The following LEMD3 variants were observed in gnomAD, a reference collection of about 807,000 sequenced individuals.
LEMD3 encodes the protein LEM domain containing 3, also known as inner nuclear membrane protein Man1.
A neutral mutation model predicts 95.2 loss-of-function variants in LEMD3; 33 were observed. The observed-to-expected ratio is 0.35, with a 90% CI of 0.26 to 0.46. The LOEUF (loss-of-function observed/expected upper bound fraction) is 0.46, where lower values mean the gene tolerates loss of function less well. LEMD3 is among the 20% of genes least tolerant of loss of function. The pLI, the probability that LEMD3 is intolerant of heterozygous loss-of-function variation, is 1.00. For missense variants in LEMD3, 1,210 were observed against 1,192.8 expected, an observed-to-expected ratio of 1.01 and a Z score of -0.21; for synonymous variants, 525 against 474.6, an observed-to-expected ratio of 1.11 and a Z score of -1.38.
intron 4 of LEMD3, among the ~76,000 whole-genome samples, chr12:65,221,029 G>A (rs1450271814): frequency 6.6e-6 from 1 of 152,094 alleles, no homozygotes; most frequent in Non-Finnish European, 1.5e-5. Flanking sequence ...TGGATATTAG[G>A]ATTATGTCTT....
Position 65,240,118 on chromosome 12 carries a change from A to C in LEMD3, c.2024-18A>C. ...ATGTCAAGTGATTGATTCATTTGTA[A>C]ATTTTATTTATTTTTAGATGTTTTA... On this transcript the variant is annotated intron_variant, in intron 7 of 12. Coordinates refer to ENST00000308330, the MANE Select transcript of LEMD3 (RefSeq NM_014319.5). 6.3e-7 allele frequency: 1 copy of C among 1,597,684 alleles called. No individual in the cohort carries two copies. The highest frequency in any genetic ancestry group is 8.6e-7 in the Non-Finnish European group (1 of 1,165,320).
At chr12:65,234,965 T>A (rs1021347645) in intron 4 of LEMD3, among the ~76,000 whole-genome samples, 3 of 152,198 alleles carry the variant, frequency 2.0e-5, no homozygotes, top group Admixed American at 1.3e-4. Context: ...AAAGACTAGA[T>A]TATACTTGTC....
rs780417676 is a variant in LEMD3 at position 65,170,443 on chromosome 12, C to T, written c.847C>T (p.Arg283Trp). 6.2e-7 allele frequency: 1 copy of T among 1,613,746 alleles called. No individual in the cohort carries two copies. Among genetic ancestry groups the T allele is most frequent in the Non-Finnish European group, 8.5e-7 (1 of 1,179,966 alleles). ...GGTATTAAAGGACGACTCCCTTTCC[C>T]GGCATCGGCCCAGACGAACCCATAG... ...RQVLKDDSLSRHRPRRTHSKP... is the reference protein window; with the variant it reads ...RQVLKDDSLSWHRPRRTHSKP... Residue 283 changes from arginine to tryptophan, a missense_variant, in exon 1 of 13, where the codon CGG (arginine) becomes TGG (tryptophan). Arg to Trp is a moderately radical substitution (Grantham distance 101). Around this residue, in one of 2 missense-constraint regions of LEMD3, gnomAD observed 749 missense variants for 622.9 expected, o/e 1.20. Coordinates refer to ENST00000308330, the MANE Select transcript of LEMD3 (RefSeq NM_014319.5).
intron 1 of LEMD3, among the ~76,000 whole-genome samples, chr12:65,175,075 G>T (rs1868672923): frequency 6.6e-6 from 1 of 152,142 alleles, no homozygotes; most frequent in African/African-American, 2.4e-5. Flanking sequence ...AGAATGGCCA[G>T]TGTTGCTGGG....
At chr12:65,191,706 G>A (rs1869244401) in intron 1 of LEMD3, among the ~76,000 whole-genome samples, 1 of 152,150 alleles carries the variant, frequency 6.6e-6, no homozygotes, top group Non-Finnish European at 1.5e-5. Context: ...GCCAAGGCAG[G>A]CAGATGTTTG....
chr12:65,217,769 A>G (rs1317729656), intron 3 of LEMD3, among the ~76,000 whole-genome samples: 1 of 152,244 alleles, frequency 6.6e-6, no homozygotes, highest in African/African-American at 2.4e-5. Context: ...ACCAGATCAT[A>G]GGTGGAAACT....
rs1869919721 is a variant in LEMD3, at chr12:65,210,962, A to G, written c.1559A>G (p.Gln520Arg). 3 of 1,586,290 alleles carry G rather than the reference A, an allele frequency of 1.9e-6. No individual in the cohort carries two copies. Among genetic ancestry groups the G allele is most frequent in the Non-Finnish European group, 2.6e-6 (3 of 1,154,928 alleles). ...NPFGETFGKIQESEKTLMMNT... is the reference protein window; with the variant it reads ...NPFGETFGKIRESEKTLMMNT... Reference sequence around the variant, plus strand: ...TTTGGTGAAACATTTGGAAAAATACAAGTAAGTAAACGATCATAATACTGA... The same window carrying G: ...TTTGGTGAAACATTTGGAAAAATACGAGTAAGTAAACGATCATAATACTGA... The change falls in exon 2 of 13, where the codon CAA becomes CGA. Residue 520 changes from glutamine (Q) to arginine (R), a missense_variant and splice_region_variant. Gln to Arg is a conservative substitution (Grantham distance 43). Coordinates refer to ENST00000308330, the MANE Select transcript of LEMD3 (RefSeq NM_014319.5).
intron 1 of LEMD3, among the ~76,000 whole-genome samples, chr12:65,199,143 C>CT (rs1194546807): frequency 2.0e-5 from 3 of 152,020 alleles, no homozygotes; most frequent in Admixed American, 6.6e-5. Context: ...TTAGATTAAA[C>CT]TTTTTTTGAA....
chr12:65,204,030 G>T (rs199582249), intron 1 of LEMD3, among the ~76,000 whole-genome samples: 1 of 152,072 alleles, frequency 6.6e-6, no homozygotes, highest in East Asian at 1.9e-4. Context: ...CTTTACATTT[G>T]AGGTGGATTT....
Position 65,180,057 on chromosome 12 carries a change from G to T in LEMD3, c.1522+8939G>T, listed in dbSNP as rs544092557. 7.1e-4 allele frequency among the ~76,000 whole-genome samples: 108 copies of T among 151,978 alleles called. 1 individual carries two copies. The highest frequency in any genetic ancestry group is 2.5e-3 in the African/African-American group (104 of 41,444). On this transcript the variant is annotated intron_variant, in intron 1 of 12. Transcript: ENST00000308330. ...TCTCCTAGGTTCAAGTGATTTTCCT[G>T]CCTCCACCTCCCAAGTATCTGGGAT...
chr12:65,180,385 TAAC>T (rs1868865439), intron 1 of LEMD3, among the ~76,000 whole-genome samples: 1 of 149,518 alleles, frequency 6.7e-6, no homozygotes, highest in African/African-American at 2.4e-5. Context: ...TATTCTTTAT[TAAC>T]AATATTGCCA....
At chr12:65,244,027 A>G (rs1292790840) in intron 10 of LEMD3, among the ~76,000 whole-genome samples, 1 of 152,190 alleles carries the variant, frequency 6.6e-6, no homozygotes, top group Non-Finnish European at 1.5e-5. Context: ...AATTCACAGT[A>G]TTTCATATAT....
chr12:65,227,386 AGT>A (rs1187991056), intron 4 of LEMD3, among the ~76,000 whole-genome samples: 1 of 152,138 alleles, frequency 6.6e-6, no homozygotes, highest in Non-Finnish European at 1.5e-5. Context: ...TCCTGGAGCA[AGT>A]TTCATTGCTT....
chr12:65,216,348 G>A (rs1592450265), intron 3 of LEMD3, among the ~76,000 whole-genome samples: 2 of 152,020 alleles, frequency 1.3e-5, no homozygotes, highest in South Asian at 4.1e-4. Context: ...GAGGAATTAG[G>A]TAAGCAGTGA....
rs532456888 is a variant in LEMD3 at position 65,230,702 on chromosome 12, A to G, written c.1696-7800A>G. On this transcript the variant is annotated intron_variant, in intron 4 of 12. Coordinates refer to ENST00000308330, the MANE Select transcript of LEMD3 (RefSeq NM_014319.5). ...CACATTAACATCATGTCATCTGCAC[A>G]TAGGAACAATTTTTCTCCTTTCCAA... is the stretch of plus-strand genomic sequence containing the variant. Among the ~76,000 whole-genome samples the G allele has an allele frequency of 2.6e-5, 4 of 152,328 alleles. No homozygotes were observed. In the South Asian group the frequency reaches 8.3e-4, roughly 32 times the overall value.
chr12:65,210,694 G>C (rs1194103461), intron 1 of LEMD3, among the ~76,000 whole-genome samples: 4 of 152,172 alleles, frequency 2.6e-5, no homozygotes, highest in African/African-American at 9.7e-5. Context: ...TGTGATACCA[G>C]AGCACCTGAT....
At chr12:65,226,728 C>CT (rs1870459129) in intron 4 of LEMD3, among the ~76,000 whole-genome samples, 1 of 152,188 alleles carries the variant, frequency 6.6e-6, no homozygotes, top group Non-Finnish European at 1.5e-5. Context: ...GGTAAAGTCT[C>CT]TAACTTTTCT....
chr12:65,178,993 C>T (rs1479838006), intron 1 of LEMD3, among the ~76,000 whole-genome samples: 2 of 152,028 alleles, frequency 1.3e-5, no homozygotes, highest in African/African-American at 4.8e-5. Context: ...AACTATTTAT[C>T]CTTAAGGTTT....
Position 65,247,977 on chromosome 12 carries a change from G to T in LEMD3, c.*1652G>T, listed in dbSNP as rs565972416. 2 of 152,502 alleles carry T rather than the reference G, an allele frequency of 1.3e-5. No individual in the cohort carries two copies. The highest frequency in any genetic ancestry group is 3.9e-4 in the East Asian group (2 of 5,180). The allele number at this position is 152,502 out of a possible 1,614,324, so 9.4% of individuals were successfully genotyped here. A position where few individuals can be genotyped will look rare whatever the true frequency, so the allele number is the denominator to read the frequency against. On this transcript the variant is annotated 3_prime_UTR_variant, in exon 13 of 13. Coordinates refer to ENST00000308330, the MANE Select transcript of LEMD3 (RefSeq NM_014319.5). ...AGTAACCAGTCTTCCTGTATTTTAT[G>T]TGCATCATAGTGATTTATCTGAGCT... is the stretch of plus-strand genomic sequence containing the variant.
Sources: allele counts gnomAD v4.1 joint callset (sites outside exome capture counted in the v4.1 genomes callset), GRCh38; gene constraint gnomAD v4.1.1; regional missense constraint gnomAD v4.1.1; transcripts MANE v1.5; gene names NCBI Gene and HGNC (gene_info 2026-07-23, HGNC 2026-07-21).